NAA11: variants seen among roughly 807,000 people sequenced by gnomAD.
The protein encoded by NAA11 is N-alpha-acetyltransferase 11.
NAA11 carries 15 observed loss-of-function variants against 16.1 expected under a neutral mutation model. The ratio of observed to expected loss-of-function variants is 0.93; its 90% confidence interval spans 0.62 to 1.44. The LOEUF (loss-of-function observed/expected upper bound fraction) is 1.44. Ranked by LOEUF, NAA11 falls within the 40% of genes most tolerant of loss-of-function variation. NAA11 has a pLI of 0.00. For synonymous variants in NAA11, 122 were observed against 112.4 expected, an observed-to-expected ratio of 1.09 and a Z score of -0.54; for missense variants, 298 against 291.3, an observed-to-expected ratio of 1.02 and a Z score of -0.17.
intron 2 of NAA11, among the ~76,000 whole-genome samples, chr4:79,262,465 C>T (rs997940866): frequency 6.6e-6 from 1 of 152,112 alleles, no homozygotes; most frequent in South Asian, 2.1e-4. Context: ...GTCTCACTTG[C>T]AGCTATGGGT....
At chr4:79,285,357 T>A (rs998697243) in intron 2 of NAA11, among the ~76,000 whole-genome samples, 1 of 152,110 alleles carries the variant, frequency 6.6e-6, no homozygotes, top group Non-Finnish European at 1.5e-5. Flanking sequence ...GCCTATTGTT[T>A]ATCTTTTCTT....
intron 1 of NAA11, among the ~76,000 whole-genome samples, chr4:79,311,165 T>G (rs1723759313): frequency 6.6e-6 from 1 of 152,198 alleles, no homozygotes; most frequent in Admixed American, 6.5e-5. Flanking sequence ...AGACAGGAGC[T>G]TCTGTTTTTT....
Position 79,302,587 on chromosome 4 carries a change from TTATTC to T in NAA11, c.*13-8478_*13-8474del, listed in dbSNP as rs546575474. 4.7e-3 allele frequency among the ~76,000 whole-genome samples: 715 copies of T among 152,298 alleles called. 9 individuals carry two copies. Among genetic ancestry groups the T allele is most frequent in the African/African-American group, 0.016 (656 of 41,574 alleles). Reference sequence around the variant, plus strand: ...ATATGTGTATATAATGTATATATCTTTATTCTATATATGTATATTTGCATTATATT... The same window carrying T: ...ATATGTGTATATAATGTATATATCTTTATATATGTATATTTGCATTATATT... On this transcript the variant is annotated intron_variant and NMD_transcript_variant, in intron 1 of 2. Transcript: ENST00000511542.
At chr4:79,246,932 C>A (rs1721852685) in intron 2 of NAA11, among the ~76,000 whole-genome samples, 1 of 152,090 alleles carries the variant, frequency 6.6e-6, no homozygotes, top group African/African-American at 2.4e-5. Flanking sequence ...CTCTTTGGGC[C>A]CCAGTTTTGG....
At chr4:79,175,781 T>G in the NAA11 span, among the ~76,000 whole-genome samples, 1 of 151,440 alleles carries the variant, frequency 6.6e-6, no homozygotes, top group East Asian at 1.9e-4. Context: ...AGCTCCAGTG[T>G]TATTCTTCTC....
the NAA11 span, among the ~76,000 whole-genome samples, chr4:79,166,901 A>G: frequency 6.8e-6 from 1 of 146,300 alleles, no homozygotes; most frequent in East Asian, 2.2e-4. Flanking sequence ...ATGAGCCACC[A>G]TGCCTGGCCA....
At chr4:79,263,368 C>A (rs1722278896) in intron 2 of NAA11, among the ~76,000 whole-genome samples, 1 of 152,040 alleles carries the variant, frequency 6.6e-6, no homozygotes, top group Non-Finnish European at 1.5e-5. Flanking sequence ...AAGAAATGAC[C>A]TAGTGCATGC....
chr4:79,186,754 G>A, the NAA11 span, among the ~76,000 whole-genome samples: 1 of 152,118 alleles, frequency 6.6e-6, no homozygotes, highest in Non-Finnish European at 1.5e-5. Flanking sequence ...AGAAGTCTTG[G>A]TGGGCTGCTG....
chr4:79,204,801 G>A, the NAA11 span, among the ~76,000 whole-genome samples: 5 of 151,722 alleles, frequency 3.3e-5, no homozygotes, highest in Non-Finnish European at 7.4e-5. Context: ...TTATAAGAAA[G>A]AACATGCAGT....
chr4:79,160,464 A>G, the NAA11 span, among the ~76,000 whole-genome samples: 2 of 152,156 alleles, frequency 1.3e-5, no homozygotes, highest in Non-Finnish European at 2.9e-5. Context: ...CAGCTGCACC[A>G]TTTTCCACCG....
At chr4:79,216,542 A>G in the NAA11 span, among the ~76,000 whole-genome samples, 1 of 152,120 alleles carries the variant, frequency 6.6e-6, no homozygotes, top group Non-Finnish European at 1.5e-5. Flanking sequence ...TATACACTTG[A>G]TATTTGTAGA....
chr4:79,175,692 G>A, the NAA11 span, among the ~76,000 whole-genome samples: 2 of 148,366 alleles, frequency 1.3e-5, no homozygotes, highest in Non-Finnish European at 3.0e-5. Context: ...GGGAGTTCTG[G>A]CCACAATGCT....
chr4:79,280,123 A>G (rs1722749935), intron 2 of NAA11, among the ~76,000 whole-genome samples: 1 of 152,154 alleles, frequency 6.6e-6, no homozygotes, highest in South Asian at 2.1e-4. Context: ...ACAAATTAAA[A>G]TGCGAGCAAG....
chr4:79,218,346 T>A, the NAA11 span, among the ~76,000 whole-genome samples: 1 of 151,960 alleles, frequency 6.6e-6, no homozygotes, highest in Non-Finnish European at 1.5e-5. Context: ...TAAGTTAGTT[T>A]TTTTTTTTTG....
At chr4:79,245,100 G>T in intron 2 of NAA11, 1 of 159,564 alleles carries the variant, frequency 6.3e-6, no homozygotes, top group Non-Finnish European at 1.4e-5. Context: ...TGTCTGGGAT[G>T]TGAGGAGCCC....
downstream of NAA11, chr4:79,316,528 C>T (rs1398713570): frequency 6.6e-6 from 1 of 152,132 alleles, no homozygotes; most frequent in Non-Finnish European, 1.5e-5. Flanking sequence ...CAGATAAAGT[C>T]CAGGCTTTGA....
At chr4:79,288,612 C>T (rs568741607) in intron 2 of NAA11, among the ~76,000 whole-genome samples, 5 of 151,954 alleles carry the variant, frequency 3.3e-5, no homozygotes, top group South Asian at 2.1e-4. Flanking sequence ...TGAATAAATA[C>T]GTGTGGATAA....
intron 2 of NAA11, among the ~76,000 whole-genome samples, chr4:79,290,124 G>A (rs1180236545): frequency 2.6e-5 from 4 of 152,304 alleles, no homozygotes; most frequent in African/African-American, 9.6e-5. Flanking sequence ...ACTGACAGCA[G>A]AGAACGCTGG....
chr4:79,156,650 C>A, the NAA11 span, among the ~76,000 whole-genome samples: 1 of 152,188 alleles, frequency 6.6e-6, no homozygotes, highest in Non-Finnish European at 1.5e-5. Context: ...TCCCAAAACA[C>A]CCTCACACAA....
Sources: gnomAD v4.1 joint callset for allele counts (sites outside exome capture counted in the v4.1 genomes callset) on GRCh38, gnomAD v4.1.1 for gene constraint, MANE v1.5 for transcripts, NCBI Gene and HGNC (gene_info 2026-07-23, HGNC 2026-07-21) for gene names.